The following PBLD variants were observed in gnomAD, a reference collection of about 807,000 sequenced individuals.
The protein encoded by PBLD is phenazine biosynthesis like protein domain containing, also known as phenazine biosynthesis-like domain-containing protein.
PBLD carries 26 observed loss-of-function variants against 31.3 expected under a neutral mutation model. That is an observed-to-expected ratio of 0.83 (90% CI 0.61 to 1.15). The LOEUF (loss-of-function observed/expected upper bound fraction) is 1.15, where lower values mean the gene tolerates loss of function less well. PBLD is among the 50% of genes most tolerant of loss of function. PBLD has a pLI of 0.00. For synonymous variants in PBLD, 114 were observed against 129.0 expected, an observed-to-expected ratio of 0.88 and a Z score of 0.79; for missense variants, 307 against 351.7, an observed-to-expected ratio of 0.87 and a Z score of 1.02.
At position 68,296,336 on chromosome 10, in the gene PBLD, T is replaced by C. The variant is rs763077591; in HGVS notation, c.213A>G (p.Thr71=). Residue 71 remains threonine, a synonymous_variant, in exon 4 of 10, where the codon ACA becomes ACG. Coordinates refer to ENST00000358769, the MANE Select transcript of PBLD (RefSeq NM_022129.4). ...QSSCFGLRWF[T]PASEVPLCGH... ...CACAGAGTGGGACCTCACTCGCTGG[T>C]GTAAACCATCTCAGTCCAAAGCAGG... 5 of 1,613,954 alleles carry C rather than the reference T, an allele frequency of 3.1e-6. No homozygotes were observed. In the East Asian group the frequency reaches 8.9e-5, roughly 29 times the overall value.
At chr10:68,326,066 TTTG>T (rs1212243596) in intron 1 of PBLD, among the ~76,000 whole-genome samples, 7 of 152,156 alleles carry the variant, frequency 4.6e-5, no homozygotes, top group African/African-American at 1.7e-4. Flanking sequence ...ATTTTTCTGT[TTTG>T]TTTTGTTTTT....
rs547024645 is a variant in PBLD at position 68,286,590 on chromosome 10, C to T, written c.692-1180G>A. Among the ~76,000 whole-genome samples the T allele has an allele frequency of 1.6e-4, 24 of 152,262 alleles. No individual in the cohort carries two copies. The South Asian group carries it at 4.8e-3, about 30-fold the overall frequency. ...CTGGCCTCATGCAACCCTCCCACCT[C>T]GGTCTCCCAAAGTGCTGGGATTATA... On this transcript the variant is annotated intron_variant, in intron 8 of 9. Transcript: ENST00000358769.
In PBLD at chr10:68,309,174, G is replaced by C. The variant is rs1008574210; in HGVS notation, c.-59-2271C>G. Among the ~76,000 whole-genome samples the C allele has an allele frequency of 2.0e-4, 30 of 149,962 alleles. 2 individuals carry two copies. Among genetic ancestry groups the C allele is most frequent in the African/African-American group, 7.1e-4 (29 of 40,704 alleles). ...GTAATTCAGCACTTTGGGAGGCCAA[G>C]GCAGGCAGATCACTTGAGGTCAGGA... On this transcript the variant is annotated intron_variant, in intron 1 of 9. Transcript: ENST00000358769.
intron 1 of PBLD, among the ~76,000 whole-genome samples, chr10:68,314,622 G>T (rs1320975896): frequency 2.0e-5 from 3 of 150,686 alleles, no homozygotes; most frequent in Non-Finnish European, 4.4e-5. Flanking sequence ...TTTTGAGACA[G>T]AATCTCACTC....
At chr10:68,301,664 T>C (rs190995565) in intron 2 of PBLD, among the ~76,000 whole-genome samples, 69 of 152,310 alleles carry the variant, frequency 4.5e-4, no homozygotes, top group Non-Finnish European at 8.5e-4. Context: ...TCTTCGTCCT[T>C]CCTTTCTTTC....
At chr10:68,314,117 C>T (rs575899593) in intron 1 of PBLD, among the ~76,000 whole-genome samples, 90 of 152,036 alleles carry the variant, frequency 5.9e-4, no homozygotes, top group Non-Finnish European at 1.2e-3. Flanking sequence ...GCTGGGACTA[C>T]AGGCGTGCAC....
At chr10:68,308,553 T>TTTCC (rs1478314594) in intron 1 of PBLD, among the ~76,000 whole-genome samples, 1 of 150,932 alleles carries the variant, frequency 6.6e-6, no homozygotes, top group Non-Finnish European at 1.5e-5. Context: ...TTATTCTTTC[T>TTTCC]TTCTTTCTTT....
chr10:68,327,457 A>G (rs1009119934), intron 1 of PBLD, among the ~76,000 whole-genome samples: 1 of 152,062 alleles, frequency 6.6e-6, no homozygotes, highest in Non-Finnish European at 1.5e-5. Context: ...AGGCAGGTGG[A>G]TCATGAGGTC....
At position 68,296,132 on chromosome 10, in the gene PBLD, A is replaced by G. The variant is rs2044423471; in HGVS notation, c.283+134T>C. 4 of 614,966 alleles carry G rather than the reference A, an allele frequency of 6.5e-6. No individual in the cohort carries two copies. In the South Asian group the frequency reaches 1.2e-4, roughly 18 times the overall value. 38.1% of individuals were successfully genotyped at this position (614,966 alleles called of 1,614,324 possible). Reference sequence around the variant, plus strand: ...AGGTCGCTGGTTTTGTTTCTGCATTATGAATAGCATGAAGTAAACTCTGCA... The same window carrying G: ...AGGTCGCTGGTTTTGTTTCTGCATTGTGAATAGCATGAAGTAAACTCTGCA... On this transcript the variant is annotated intron_variant, in intron 4 of 9. Transcript: ENST00000358769.
chr10:68,299,215 G>T (rs1035333294), intron 2 of PBLD, among the ~76,000 whole-genome samples: 4 of 148,376 alleles, frequency 2.7e-5, no homozygotes, highest in African/African-American at 9.9e-5. Flanking sequence ...GAATTTTAAA[G>T]AAGTTTCAAG....
At position 68,288,580 on chromosome 10, in the gene PBLD, A is replaced by T; in HGVS notation, c.594T>A (p.Leu198=). The T allele has an allele frequency of 6.2e-7, 1 of 1,614,218 alleles. No individual in the cohort carries two copies. The highest frequency in any genetic ancestry group is 2.2e-5 in the East Asian group (1 of 44,886). ...ENTGKVKGLI[L]TLKGEPGGQT... ...GCCCACCAGGCTCTCCTTTAAGGGT[A>T]AGAATAAGCCCTTTCACCTTCCCTG... The change falls in exon 8 of 10, where the codon CTT becomes CTA. Residue 198 remains leucine (L), a synonymous_variant. Transcript: ENST00000358769.
chr10:68,331,497 G>C (rs1042754515), intron 1 of PBLD: 1 of 152,386 alleles, frequency 6.6e-6, no homozygotes, highest in Non-Finnish European at 1.5e-5. Context: ...CTCTGGGCCA[G>C]GGGAAGGAGG....
chr10:68,308,418 TTTAAC>T (rs2044611852), intron 1 of PBLD, among the ~76,000 whole-genome samples: 1 of 152,232 alleles, frequency 6.6e-6, no homozygotes, highest in Non-Finnish European at 1.5e-5. Context: ...GTACAGATGT[TTTAAC>T]TTAAACAGTT....
intron 2 of PBLD, chr10:68,297,205 G>A (rs1040003985): frequency 5.6e-6 from 3 of 539,464 alleles, no homozygotes; most frequent in Admixed American, 6.5e-5. Context: ...TGTGCAAGCT[G>A]GAATAGACTG....
At chr10:68,305,270 C>CTTTTTTT (rs71009039) in intron 2 of PBLD, among the ~76,000 whole-genome samples, 7 of 136,088 alleles carry the variant, frequency 5.1e-5, no homozygotes, top group Non-Finnish European at 4.6e-5. Context: ...ATCAGTCCTC[C>CTTTTTTT]TTTTTTTTTT....
At chr10:68,292,793 A>G (rs1780774514) in intron 4 of PBLD, among the ~76,000 whole-genome samples, 1 of 152,210 alleles carries the variant, frequency 6.6e-6, no homozygotes, top group Admixed American at 6.5e-5. Context: ...TACAGGCGTG[A>G]GCCACCACAC....
At chr10:68,328,046 T>C (rs2044951549) in intron 1 of PBLD, among the ~76,000 whole-genome samples, 4 of 152,194 alleles carry the variant, frequency 2.6e-5, no homozygotes, top group South Asian at 4.1e-4. Flanking sequence ...GTATCAAGAA[T>C]ATAAACTGTG....
chr10:68,291,873 G>C (rs552499254), intron 6 of PBLD, 137 bp downstream of exon 6: 1 of 983,890 alleles, frequency 1.0e-6, no homozygotes, highest in East Asian at 2.5e-5. Flanking sequence ...CAAATAGACT[G>C]AATATTAAAA....
chr10:68,326,439 C>T (rs2044921789), intron 1 of PBLD, among the ~76,000 whole-genome samples: 1 of 152,176 alleles, frequency 6.6e-6, no homozygotes, highest in Non-Finnish European at 1.5e-5. Flanking sequence ...ACAGCTGCAT[C>T]TGCCTATATT....
Sources: allele counts gnomAD v4.1 joint callset (sites outside exome capture counted in the v4.1 genomes callset), GRCh38; gene constraint gnomAD v4.1.1; transcripts MANE v1.5; gene names NCBI Gene and HGNC (gene_info 2026-07-23, HGNC 2026-07-21).